PTPRC: variants seen among roughly 807,000 people sequenced by gnomAD.
The protein encoded by PTPRC is receptor-type tyrosine-protein phosphatase C.
PTPRC carries 44 observed loss-of-function variants against 155.9 expected under a neutral mutation model. That is an observed-to-expected ratio of 0.28 (90% confidence interval 0.22 to 0.36). The LOEUF (loss-of-function observed/expected upper bound fraction) is 0.36, where lower values mean the gene tolerates loss of function less well. Ranked by LOEUF, PTPRC falls within the 10% of genes least tolerant of loss-of-function variation. PTPRC has a pLI of 1.00. For missense variants in PTPRC, 1,401 were observed against 1,564.6 expected, an observed-to-expected ratio of 0.90 and a Z score of 1.76; for synonymous variants, 525 against 533.1, an observed-to-expected ratio of 0.98 and a Z score of 0.21.
At chr1:198,675,618 C>T (rs1557987812) in intron 2 of PTPRC, among the ~76,000 whole-genome samples, 1 of 152,102 alleles carries the variant, frequency 6.6e-6, no homozygotes, top group Non-Finnish European at 1.5e-5. Context: ...AAATGACATA[C>T]TGTGTCAAGA....
rs1655667173 is a variant in PTPRC at position 198,756,409 on chromosome 1, AAC to A, written c.*230_*231del. The stretch of plus-strand genomic sequence containing the variant: ...AAATTTTATCTCTTATTCAGTAAAA[AAC>A]AACTTCTTTGTAATCGTTATGTGTG... On this transcript the variant is annotated 3_prime_UTR_variant, in exon 33 of 33. Coordinates refer to ENST00000442510, the MANE Select transcript of PTPRC (RefSeq NM_002838.5). The A allele has an allele frequency of 1.7e-6, 1 of 579,596 alleles. No individual in the cohort carries two copies. The highest frequency in any genetic ancestry group is 3.0e-6 in the Non-Finnish European group (1 of 334,804). 35.9% of individuals were successfully genotyped at this position (579,596 alleles called of 1,614,324 possible).
At chr1:198,754,218 C>A in intron 31 of PTPRC, 51 bp from the exon 32 acceptor site, 1 of 1,543,646 alleles carries the variant, frequency 6.5e-7, no homozygotes, top group Non-Finnish European at 8.9e-7. Context: ...TCTAATATCA[C>A]CCTTTTTGGT....
chr1:198,703,321 A>T lies in PTPRC; in HGVS notation c.607A>T (p.Thr203Ser). ...AGATGCCTACCTTAATGCCTCTGAAACAACCACTCTGAGCCCTTCTGGAAG... is the reference window on the plus strand; with the variant it reads ...AGATGCCTACCTTAATGCCTCTGAATCAACCACTCTGAGCCCTTCTGGAAG... ...TSDAYLNASE[T>S]TTLSPSGSAV... Residue 203 changes from threonine to serine, a missense_variant, in exon 7 of 33, where the codon ACA (threonine) becomes TCA (serine). Physicochemically the swap from Thr to Ser is moderately conservative, Grantham distance 58. This residue lies in a region of PTPRC where 867 missense variants were observed against 970.4 expected (regional missense o/e 0.89). Transcript: ENST00000442510. The T allele has an allele frequency of 6.2e-7, 1 of 1,613,322 alleles. No individual in the cohort carries two copies. The highest frequency in any genetic ancestry group is 8.5e-7 in the Non-Finnish European group (1 of 1,180,030).
chr1:198,639,414 A>G (rs1382297013), intron 2 of PTPRC, 73 bp downstream of exon 2: 1 of 1,200,730 alleles, frequency 8.3e-7, no homozygotes. Context: ...TAGACATAAA[A>G]ATAATTTAAA....
intron 2 of PTPRC, among the ~76,000 whole-genome samples, chr1:198,682,518 G>A (rs947499707): frequency 6.6e-6 from 1 of 152,032 alleles, no homozygotes; most frequent in Non-Finnish European, 1.5e-5. Context: ...CTGTAAACAC[G>A]TTTCTACATA....
chr1:198,706,876 T>C lies in PTPRC; in HGVS notation c.828T>C (p.Cys276=), dbSNP rs141245419. The change falls in exon 9 of 33, where the codon TGT becomes TGC. Residue 276 remains cysteine (C), a synonymous_variant. Transcript: ENST00000442510. ...ATGAGGTGCATAACCTTACAGAATG[T>C]AAAAATGCGTCTGTTTCCATATCTC... ...TNNEVHNLTE[C]KNASVSISHN... The C allele has an allele frequency of 2.9e-5, 46 of 1,613,572 alleles. No homozygotes were observed. The highest frequency in any genetic ancestry group is 3.7e-5 in the Non-Finnish European group (44 of 1,179,640).
Position 198,691,709 on chromosome 1 carries a change from C to T in PTPRC, c.74-638C>T, listed in dbSNP as rs148709768. 4.6e-5 allele frequency among the ~76,000 whole-genome samples: 7 copies of T among 152,160 alleles called. No individual in the cohort carries two copies. In the East Asian group the frequency reaches 1.3e-3, roughly 29 times the overall value. On this transcript the variant is annotated intron_variant, in intron 2 of 32. Coordinates refer to ENST00000442510, the MANE Select transcript of PTPRC (RefSeq NM_002838.5). ...AGCTTCTTATTCTTCTGGGACCAAG[C>T]TAGCTATATGCAATCCTTTAGGTTG... is the stretch of plus-strand genomic sequence containing the variant.
At chr1:198,657,187 G>A (rs1211378042) in intron 2 of PTPRC, among the ~76,000 whole-genome samples, 2 of 151,892 alleles carry the variant, frequency 1.3e-5, no homozygotes, top group Non-Finnish European at 2.9e-5. Context: ...AAAATTAGCT[G>A]TGCATTTATG....
At position 198,732,461 on chromosome 1, in the gene PTPRC, T is replaced by C. The variant is rs778143518; in HGVS notation, c.2066-19T>C. 3.7e-6 allele frequency: 6 copies of C among 1,608,260 alleles called. No homozygotes were observed. The highest frequency in any genetic ancestry group is 4.3e-6 in the Non-Finnish European group (5 of 1,175,472). On this transcript the variant is annotated intron_variant, in intron 19 of 32. Coordinates refer to ENST00000442510, the MANE Select transcript of PTPRC (RefSeq NM_002838.5). ...ATTATTCACTATTTCACTTGTTTAT[T>C]TTTCTTTTCCTTAAACAGATGATTA...
rs767504537 is a variant in PTPRC, at chr1:198,755,911, A to G, written c.3651A>G (p.Gln1217=). 30 of 1,609,546 alleles carry G rather than the reference A, an allele frequency of 1.9e-5. No individual in the cohort carries two copies. The highest frequency in any genetic ancestry group is 2.7e-5 in the African/African-American group (2 of 74,770). Residue 1217 remains glutamine, a synonymous_variant, in exon 33 of 33, where the codon CAA becomes CAG. Coordinates refer to ENST00000442510, the MANE Select transcript of PTPRC (RefSeq NM_002838.5). ...CCACTTAATTCCTTTACTAGGAGCAATATCAATTCCTATATGACGTCATTG... is the reference window on the plus strand; with the variant it reads ...CCACTTAATTCCTTTACTAGGAGCAGTATCAATTCCTATATGACGTCATTG... ...ARPGMVSTFE[Q]YQFLYDVIAS...
intron 9 of PTPRC, 124 bp downstream of exon 9, chr1:198,707,076 T>C (rs1412761279): frequency 2.6e-6 from 2 of 758,474 alleles, no homozygotes; most frequent in East Asian, 2.7e-5. Flanking sequence ...GGAAATTCCT[T>C]GGAAACAAGT....
At chr1:198,655,578 A>G (rs1312262331) in intron 2 of PTPRC, among the ~76,000 whole-genome samples, 2 of 151,524 alleles carry the variant, frequency 1.3e-5, no homozygotes, top group African/African-American at 4.9e-5. Flanking sequence ...CTAGACTGAG[A>G]TTCTGGTATG....
chr1:198,737,108 A>G (rs1654678404), intron 23 of PTPRC, among the ~76,000 whole-genome samples: 2 of 151,778 alleles, frequency 1.3e-5, no homozygotes, highest in South Asian at 4.1e-4. Flanking sequence ...TCAGATGGAT[A>G]GTTGGCAAAT....
chr1:198,685,321 C>T (rs996407748), intron 2 of PTPRC, among the ~76,000 whole-genome samples: 1 of 151,764 alleles, frequency 6.6e-6, no homozygotes, highest in African/African-American at 2.4e-5. Flanking sequence ...GTTTCATTCC[C>T]TATAAAAAAG....
intron 2 of PTPRC, among the ~76,000 whole-genome samples, chr1:198,642,892 T>C (rs12752878): frequency 7.6e-5 from 9 of 119,188 alleles, no homozygotes; most frequent in African/African-American, 2.5e-4. Flanking sequence ...ATCTTTTTTC[T>C]TTTCTTTCTT....
intron 25 of PTPRC, 96 bp downstream of exon 25, chr1:198,742,463 C>T (rs1021296889): frequency 1.5e-5 from 21 of 1,437,860 alleles, no homozygotes; most frequent in Non-Finnish European, 2.0e-5. Context: ...AATCCAAATT[C>T]TTCACAACCT....
intron 24 of PTPRC, 95 bp downstream of exon 24, chr1:198,742,121 A>T (rs1023871960): frequency 1.9e-6 from 3 of 1,600,676 alleles, no homozygotes; most frequent in African/African-American, 2.7e-5. Context: ...CCCTTTGGCA[A>T]TTGCTATTTT....
intron 2 of PTPRC, chr1:198,679,837 T>G (rs1024151055): frequency 3.5e-6 from 2 of 568,856 alleles, no homozygotes; most frequent in African/African-American, 3.9e-5. Flanking sequence ...AGCGTCCGGG[T>G]CTGTTAGGAC....
intron 20 of PTPRC, 109 bp downstream of exon 20, chr1:198,732,665 A>G: frequency 2.4e-6 from 2 of 846,002 alleles, no homozygotes; most frequent in African/African-American, 1.7e-5. Context: ...GTGAGCCCAT[A>G]TGTCACTGAT....
Sources: gnomAD v4.1 joint callset for allele counts (sites outside exome capture counted in the v4.1 genomes callset) on GRCh38, gnomAD v4.1.1 for gene constraint, gnomAD v4.1.1 regional missense constraint, MANE v1.5 for transcripts, NCBI Gene and HGNC (gene_info 2026-07-23, HGNC 2026-07-21) for gene names.